Variants in SLC9A7 observed in about 807,000 individuals in gnomAD.
The protein encoded by SLC9A7 is solute carrier family 9 member A7.
In SLC9A7, 19 loss-of-function variants were observed where a neutral mutation model predicts 52.6. The observed-to-expected ratio is 0.36, with a 90% CI of 0.25 to 0.53. The LOEUF (loss-of-function observed/expected upper bound fraction) is 0.53, where lower values mean the gene tolerates loss of function less well. Ranked by LOEUF, SLC9A7 falls within the 20% of genes least tolerant of loss-of-function variation. The pLI is 0.91. For synonymous variants in SLC9A7, 226 were observed against 252.1 expected (o/e 0.90, Z 0.98); for missense variants, 455 against 597.9 (o/e 0.76, Z 2.49).
chrX:46,728,087 T>C (rs1944972867), intron 1 of SLC9A7, among the ~76,000 whole-genome samples: 1 of 111,859 alleles, frequency 8.9e-6, no homozygotes. Context: ...ATATACAAAA[T>C]AGTTAACCTA....
At chrX:46,654,625 CCCTGTGCA>C (rs1200712077) in intron 7 of SLC9A7, among the ~76,000 whole-genome samples, 4 of 109,821 alleles carry the variant, frequency 3.6e-5, no homozygotes, top group Non-Finnish European at 7.6e-5. Flanking sequence ...AGACCCTGAC[CCCTGTGCA>C]CCACCGAGGC....
chrX:46,693,991 A>C (rs1261653412), intron 1 of SLC9A7, among the ~76,000 whole-genome samples: 1 of 110,615 alleles, frequency 9.0e-6, no homozygotes. Flanking sequence ...AGTGGGAAAT[A>C]AATGCTGAAC....
chrX:46,756,473 G>T (rs1314819853), intron 1 of SLC9A7, among the ~76,000 whole-genome samples: 1 of 111,709 alleles, frequency 9.0e-6, no homozygotes, highest in African/African-American at 3.3e-5. Context: ...TTTGCAAACT[G>T]AATTTTAAGA....
chrX:46,619,842 G>A (rs1291749279), intron 15 of SLC9A7, among the ~76,000 whole-genome samples: 1 of 108,708 alleles, frequency 9.2e-6, no homozygotes, highest in Non-Finnish European at 1.9e-5. Context: ...TCATCATGTT[G>A]CCCAGGCTGG....
At chrX:46,615,215 G>T (rs1193172160) in intron 15 of SLC9A7, among the ~76,000 whole-genome samples, 2 of 111,927 alleles carry the variant, frequency 1.8e-5, no homozygotes, top group Non-Finnish European at 3.8e-5. Flanking sequence ...GCTAATTTTT[G>T]TATTTTTAGT....
chrX:46,709,705 T>C (rs1263086726), intron 1 of SLC9A7, among the ~76,000 whole-genome samples: 1 of 111,014 alleles, frequency 9.0e-6, no homozygotes, highest in African/African-American at 3.3e-5. Flanking sequence ...CCTCTGAGAG[T>C]TCATAGCTAA....
At chrX:46,612,338 G>T (rs892546601) in intron 16 of SLC9A7, among the ~76,000 whole-genome samples, 1 of 111,504 alleles carries the variant, frequency 9.0e-6, no homozygotes, top group Admixed American at 9.5e-5. Context: ...CTCCTTCCAC[G>T]TGGGTAGCTA....
chrX:46,620,124 T>C (rs1327111242), intron 15 of SLC9A7, among the ~76,000 whole-genome samples: 1 of 112,200 alleles, frequency 8.9e-6, no homozygotes, highest in African/African-American at 3.2e-5. Context: ...TATGTCAACT[T>C]AAGAAACCAT....
At chrX:46,639,282 C>CT (rs767343953) in intron 12 of SLC9A7, among the ~76,000 whole-genome samples, 1,901 of 96,315 alleles carry the variant, frequency 0.02, 31 homozygotes, top group African/African-American at 0.048. Flanking sequence ...ATGCTTTCCT[C>CT]TTTTTTTTTT....
chrX:46,727,082 C>A (rs1944957437), intron 1 of SLC9A7, among the ~76,000 whole-genome samples: 1 of 111,832 alleles, frequency 8.9e-6, no homozygotes, highest in Admixed American at 9.5e-5. Flanking sequence ...CAGCCCAAGC[C>A]TTCACTCATG....
At chrX:46,738,026 CAAAAAAAAGAAAGAAAGAAA>C (rs1197690082) in intron 1 of SLC9A7, among the ~76,000 whole-genome samples, 1 of 71,236 alleles carries the variant, frequency 1.4e-5, no homozygotes, top group East Asian at 4.4e-4. Flanking sequence ...GACCCTGTCT[CAAAAAAAAGAAAGAAAGAAA>C]GAAAGAAAGA....
intron 1 of SLC9A7, among the ~76,000 whole-genome samples, chrX:46,710,626 AAGAG>A (rs892548471): frequency 5.5e-5 from 6 of 109,975 alleles, no homozygotes; most frequent in African/African-American, 1.3e-4. Flanking sequence ...TGGGAAAAAA[AAGAG>A]AGAGAGAGAG....
chrX:46,698,597 C>T (rs769987374), intron 1 of SLC9A7, among the ~76,000 whole-genome samples: 6 of 111,707 alleles, frequency 5.4e-5, no homozygotes, highest in Non-Finnish European at 1.1e-4. Flanking sequence ...CTCCCAAGCC[C>T]GGGAACCCCT....
intron 3 of SLC9A7, among the ~76,000 whole-genome samples, chrX:46,676,066 T>A (rs1179397515): frequency 4.5e-5 from 5 of 111,632 alleles, no homozygotes. Flanking sequence ...ATATCTTTTA[T>A]AATAAACTGG....
intron 4 of SLC9A7, among the ~76,000 whole-genome samples, chrX:46,670,655 C>T (rs746413889): frequency 9.0e-6 from 1 of 111,636 alleles, no homozygotes; most frequent in East Asian, 2.8e-4. Flanking sequence ...CTTTGTGTCT[C>T]AAATGCTTAG....
intron 1 of SLC9A7, among the ~76,000 whole-genome samples, chrX:46,689,867 G>A (rs1016164257): frequency 2.7e-5 from 3 of 110,662 alleles, no homozygotes; most frequent in African/African-American, 6.6e-5. Context: ...GAGAACATGC[G>A]GTATTTGGTT....
At chrX:46,738,031 A>AAAGAAAG in intron 1 of SLC9A7, among the ~76,000 whole-genome samples, 1 of 70,391 alleles carries the variant, frequency 1.4e-5, no homozygotes, top group African/African-American at 6.5e-5. Context: ...TGTCTCAAAA[A>AAAGAAAG]AAAGAAAGAA....
intron 1 of SLC9A7, among the ~76,000 whole-genome samples, chrX:46,686,407 T>C (rs1043365272): frequency 8.9e-6 from 1 of 112,104 alleles, no homozygotes; most frequent in Non-Finnish European, 1.9e-5. Flanking sequence ...CTATATTCCA[T>C]GGCATGATAT....
intron 8 of SLC9A7, among the ~76,000 whole-genome samples, chrX:46,652,279 T>G (rs1943595644): frequency 9.0e-6 from 1 of 111,432 alleles, no homozygotes; most frequent in Non-Finnish European, 1.9e-5. Flanking sequence ...GCCTCCTGAA[T>G]AGCTGGGACT....
Sources: gnomAD v4.1 joint callset for allele counts (sites outside exome capture counted in the v4.1 genomes callset) on GRCh38, gnomAD v4.1.1 for gene constraint, MANE v1.5 for transcripts, NCBI Gene and HGNC (gene_info 2026-07-23, HGNC 2026-07-21) for gene names.